Variants in ADAM12 observed in about 807,000 individuals in gnomAD.
The protein encoded by ADAM12 is disintegrin and metalloproteinase domain-containing protein 12.
ADAM12 carries 70 observed loss-of-function variants against 106.4 expected under a neutral mutation model. The ratio of observed to expected loss-of-function variants is 0.66; its 90% CI spans 0.54 to 0.80. The LOEUF is 0.80. Among genes scored for constraint, ADAM12 ranks in the 30% least tolerant of loss-of-function variants. The pLI is 0.00. For synonymous variants in ADAM12, 420 were observed against 433.5 expected, an observed-to-expected ratio of 0.97 and a Z score of 0.39; for missense variants, 1,010 against 1,171.9, an observed-to-expected ratio of 0.86 and a Z score of 2.02.
At chr10:126,352,369 T>A (rs1046057582) in intron 1 of ADAM12, among the ~76,000 whole-genome samples, 2 of 152,240 alleles carry the variant, frequency 1.3e-5, no homozygotes, top group Non-Finnish European at 2.9e-5. Flanking sequence ...AATATTGAAG[T>A]ACAACTTCCT....
At chr10:126,249,009 G>C (rs545327028) in intron 3 of ADAM12, among the ~76,000 whole-genome samples, 2 of 151,948 alleles carry the variant, frequency 1.3e-5, no homozygotes, top group Admixed American at 1.3e-4. Flanking sequence ...TCTGGCCTTC[G>C]CAAGTATTTA....
At chr10:126,183,736 CA>C (rs1214108200) in intron 3 of ADAM12, among the ~76,000 whole-genome samples, 1 of 152,178 alleles carries the variant, frequency 6.6e-6, no homozygotes, top group Non-Finnish European at 1.5e-5. Context: ...AGTACAACCA[CA>C]GGAGCCTGTG....
chr10:126,274,587 GC>G (rs1192873561), intron 3 of ADAM12, among the ~76,000 whole-genome samples: 1 of 152,152 alleles, frequency 6.6e-6, no homozygotes, highest in Non-Finnish European at 1.5e-5. Flanking sequence ...ATTTTGCCGT[GC>G]CAAGCACAAT....
At chr10:126,074,776 G>C (rs1955066525) in intron 11 of ADAM12, among the ~76,000 whole-genome samples, 1 of 152,212 alleles carries the variant, frequency 6.6e-6, no homozygotes, top group African/African-American at 2.4e-5. Context: ...GGATGCCTCT[G>C]TTTTAAAAGG....
At chr10:126,086,639 T>C (rs1955347265) in intron 11 of ADAM12, among the ~76,000 whole-genome samples, 1 of 94,756 alleles carries the variant, frequency 1.1e-5, no homozygotes, top group South Asian at 4.1e-4. Context: ...ATGGCCCCAA[T>C]GGACTCTGCC....
intron 21 of ADAM12, among the ~76,000 whole-genome samples, chr10:126,021,351 A>G (rs964173445): frequency 1.4e-4 from 21 of 152,238 alleles, no homozygotes; most frequent in Non-Finnish European, 2.6e-4. Context: ...TGCCTATCAT[A>G]TGAAAATTAC....
intron 3 of ADAM12, among the ~76,000 whole-genome samples, chr10:126,158,241 C>T (rs1314885742): frequency 8.5e-6 from 1 of 118,060 alleles, no homozygotes; most frequent in Non-Finnish European, 1.8e-5. Flanking sequence ...GTAATGCACA[C>T]AGCACGGGAG....
rs183542073 is a variant in ADAM12, at chr10:126,174,086, C to T, written c.261-18781G>A. On this transcript the variant is annotated intron_variant, in intron 3 of 22. Transcript: ENST00000448723. ...AGGCTGGAGTGATCTTGGCTCACTG[C>T]AACCTCCCGCCTCCCGGTTTCAAGC... 6.5e-5 allele frequency among the ~76,000 whole-genome samples: 9 copies of T among 137,590 alleles called. No individual in the cohort carries two copies. The East Asian group carries it at 1.9e-3, about 28-fold the overall frequency. 90.3% of individuals were successfully genotyped at this position (137,590 alleles called of 152,430 possible). A position where few individuals can be genotyped will look rare whatever the true frequency, so the allele number is the denominator to read the frequency against.
At chr10:126,054,118 C>G (rs1395153450) in intron 14 of ADAM12, among the ~76,000 whole-genome samples, 2 of 152,134 alleles carry the variant, frequency 1.3e-5, no homozygotes, top group Non-Finnish European at 2.9e-5. Flanking sequence ...TTTCTAGGTT[C>G]AAGTACCCAC....
intron 21 of ADAM12, among the ~76,000 whole-genome samples, chr10:126,021,036 T>C (rs1054089547): frequency 6.6e-6 from 1 of 151,872 alleles, no homozygotes; most frequent in African/African-American, 2.4e-5. Flanking sequence ...TGCCCCTTTT[T>C]TTCGTGGGGC....
rs1465800582 is a variant in ADAM12 at position 126,043,155 on chromosome 10, G to T, written c.1996-7C>A. On this transcript the variant is annotated splice_region_variant and splice_polypyrimidine_tract_variant and intron_variant, in intron 17 of 22. Coordinates refer to ENST00000448723, the MANE Select transcript of ADAM12 (RefSeq NM_001288973.2). The surrounding 1 kb of genome is among the most constrained non-coding windows in gnomAD (Gnocchi z 4.1). ...TCTTCCTGTTGTTGCACACCTTTCA[G>T]GGCAGAGGGGAGGGACGTGGGGTTA... The T allele has an allele frequency of 6.2e-7, 1 of 1,613,750 alleles. No homozygotes were observed.
At chr10:126,018,828 G>C (rs889241458) in intron 22 of ADAM12, among the ~76,000 whole-genome samples, 5 of 152,188 alleles carry the variant, frequency 3.3e-5, no homozygotes, top group Non-Finnish European at 7.3e-5. Context: ...TGTTTTCCCA[G>C]TGTCCTGCTG....
At chr10:126,285,809 G>A (rs931862582) in intron 2 of ADAM12, among the ~76,000 whole-genome samples, 5 of 152,128 alleles carry the variant, frequency 3.3e-5, no homozygotes, top group African/African-American at 1.2e-4. Context: ...CTGCAAAGAC[G>A]GGTGCGGCCA....
At chr10:126,148,933 T>TGGAG (rs1956678818) in intron 4 of ADAM12, among the ~76,000 whole-genome samples, 2 of 152,024 alleles carry the variant, frequency 1.3e-5, no homozygotes, top group African/African-American at 4.8e-5. Flanking sequence ...GAGGACTCCA[T>TGGAG]GGAGGGAGGG....
intron 3 of ADAM12, among the ~76,000 whole-genome samples, chr10:126,216,076 G>A (rs973778442): frequency 1.3e-5 from 2 of 152,140 alleles, no homozygotes; most frequent in Non-Finnish European, 2.9e-5. Context: ...GCCATTTGGT[G>A]TTAAAAAGCT....
chr10:126,373,039 G>A (rs761356011), intron 1 of ADAM12, among the ~76,000 whole-genome samples: 15 of 152,274 alleles, frequency 9.9e-5, no homozygotes, highest in East Asian at 1.9e-4. Context: ...CAAATCAGGC[G>A]TCTGATTTTC....
chr10:126,150,981 G>A (rs1240161773), intron 4 of ADAM12, among the ~76,000 whole-genome samples: 2 of 152,110 alleles, frequency 1.3e-5, no homozygotes, highest in East Asian at 3.8e-4. Context: ...TACCACAGTG[G>A]TATTTTGTAC....
intron 2 of ADAM12, among the ~76,000 whole-genome samples, chr10:126,293,601 C>A (rs564306706): frequency 6.6e-6 from 1 of 152,180 alleles, no homozygotes; most frequent in Non-Finnish European, 1.5e-5. Flanking sequence ...TCACTGCAAC[C>A]TCCACCTCCC....
intron 3 of ADAM12, among the ~76,000 whole-genome samples, chr10:126,238,842 G>A (rs1403205891): frequency 6.6e-6 from 1 of 152,194 alleles, no homozygotes; most frequent in African/African-American, 2.4e-5. Context: ...CTGTTTCTGA[G>A]GGTAAACCTG....
Sources: allele counts gnomAD v4.1 joint callset (sites outside exome capture counted in the v4.1 genomes callset), GRCh38; gene constraint gnomAD v4.1.1; non-coding constraint Gnocchi (gnomAD v3.1); transcripts MANE v1.5; gene names NCBI Gene and HGNC (gene_info 2026-07-23, HGNC 2026-07-21).